PIGN: variants seen among roughly 807,000 people sequenced by gnomAD.
PIGN encodes phosphatidylinositol glycan anchor biosynthesis class N, also known as GPI ethanolamine phosphate transferase 1.
Under a neutral mutation model 125.4 loss-of-function variants are expected in PIGN, and 117 were observed. That is an observed-to-expected ratio of 0.93 (90% confidence interval 0.80 to 1.09). The LOEUF (loss-of-function observed/expected upper bound fraction) is 1.09, where lower values mean the gene tolerates loss of function less well. Ranked by LOEUF, PIGN falls within the 50% of genes least tolerant of loss-of-function variation. The pLI, the probability that PIGN is intolerant of heterozygous loss-of-function variation, is 0.00. For missense variants in PIGN, 1,075 were observed against 1,094.9 expected (o/e 0.98, Z 0.26); for synonymous variants, 392 against 377.8 (o/e 1.04, Z -0.44).
At chr18:62,091,849 G>C (rs1157178413) in intron 23 of PIGN, among the ~76,000 whole-genome samples, 2 of 152,098 alleles carry the variant, frequency 1.3e-5, no homozygotes, top group African/African-American at 2.4e-5. Flanking sequence ...TGAAAACCAA[G>C]TCTGTCTGTC....
intron 27 of PIGN, among the ~76,000 whole-genome samples, chr18:62,083,024 T>G (rs989156484): frequency 1.3e-5 from 2 of 152,094 alleles, no homozygotes; most frequent in Admixed American, 6.5e-5. Flanking sequence ...TTTTGTTCCA[T>G]TTAATGTATT....
intron 27 of PIGN, among the ~76,000 whole-genome samples, chr18:62,084,093 A>G (rs1380289698): frequency 1.3e-5 from 2 of 152,210 alleles, no homozygotes; most frequent in Non-Finnish European, 2.9e-5. Flanking sequence ...GTCAGCACCC[A>G]GCTAATATCT....
intron 28 of PIGN, chr18:62,075,075 C>A: frequency 6.8e-6 from 2 of 295,512 alleles, no homozygotes; most frequent in South Asian, 5.4e-5. Context: ...TTATGATTTT[C>A]AAAACTAAAC....
chr18:62,043,220 T>G lies in PIGN; in HGVS notation c.*2636A>C, dbSNP rs1465016868. 1 of 152,150 alleles carries G rather than the reference T, an allele frequency of 6.6e-6. No individual in the cohort carries two copies. The highest frequency in any genetic ancestry group is 1.9e-4 in the East Asian group (1 of 5,190). The allele number at this position is 152,150 out of a possible 1,614,324, so 9.4% of individuals were successfully genotyped here. Reference sequence around the variant, plus strand: ...CCCCCTGACATGATGGCATCTAGTGTGAATATGGGAGCTCACCAGGTTCTC... The same window carrying G: ...CCCCCTGACATGATGGCATCTAGTGGGAATATGGGAGCTCACCAGGTTCTC... On this transcript the variant is annotated 3_prime_UTR_variant, in exon 31 of 31. Transcript: ENST00000640252.
intron 14 of PIGN, chr18:62,137,267 G>T: frequency 2.4e-6 from 1 of 412,476 alleles, no homozygotes. Flanking sequence ...GGTTTGCTAG[G>T]GGCTCTCGGG....
At chr18:62,153,537 C>T (rs1049186020) in intron 7 of PIGN, 3 of 152,084 alleles carry the variant, frequency 2.0e-5, no homozygotes, top group Admixed American at 2.0e-4. Context: ...GGATTTCATG[C>T]AGATATTAAT....
At chr18:62,091,950 CTTTTT>C (rs1314483558) in intron 23 of PIGN, among the ~76,000 whole-genome samples, 2 of 152,152 alleles carry the variant, frequency 1.3e-5, no homozygotes, top group Non-Finnish European at 2.9e-5. Flanking sequence ...GCCTTATTTC[CTTTTT>C]GAGTCTTTCA....
At chr18:62,058,712 T>C (rs2031909403) in intron 30 of PIGN, 1 of 152,248 alleles carries the variant, frequency 6.6e-6, no homozygotes, top group African/African-American at 2.4e-5. Flanking sequence ...TTCTTAATGC[T>C]TTCAGTATTT....
chr18:62,085,155 C>T lies in PIGN; in HGVS notation c.2426+54G>A, dbSNP rs967803023. ...GTACAGAACAAAAGGTATAGAAGTC[C>T]CAGGTTGCATTATTTTTTAGTTATA... On this transcript the variant is annotated intron_variant, in intron 26 of 30. Transcript: ENST00000640252. The T allele has an allele frequency of 8.2e-6, 8 of 970,920 alleles. No homozygotes were observed. In the Admixed American group the frequency reaches 1.9e-4, roughly 23 times the overall value. The allele number at this position is 970,920 out of a possible 1,614,324, so 60.1% of individuals were successfully genotyped here. A position where few individuals can be genotyped will look rare whatever the true frequency, so the allele number is the denominator to read the frequency against.
intron 28 of PIGN, among the ~76,000 whole-genome samples, chr18:62,076,836 A>C (rs560394957): frequency 1.2e-4 from 19 of 152,198 alleles, no homozygotes; most frequent in Non-Finnish European, 1.9e-4. Flanking sequence ...TGTTAATCTG[A>C]TTAAGAGTTT....
At chr18:62,048,975 AGTTTACT>A (rs1415140195) in intron 30 of PIGN, among the ~76,000 whole-genome samples, 1 of 151,572 alleles carries the variant, frequency 6.6e-6, no homozygotes, top group African/African-American at 2.4e-5. Context: ...TCCTTGCGAT[AGTTTACT>A]GAGAATGATG....
chr18:62,168,659 T>C (rs563960504), intron 1 of PIGN, among the ~76,000 whole-genome samples: 1 of 152,270 alleles, frequency 6.6e-6, no homozygotes, highest in African/African-American at 2.4e-5. Context: ...TAATCTACCA[T>C]CCATATTCCA....
rs568358657 is a variant in PIGN, at chr18:62,051,615, G to A, written c.2673-5636C>T. On this transcript the variant is annotated intron_variant, in intron 30 of 30. Transcript: ENST00000640252. ...CTTTTCTTCTTTATTAGTCTTGCTAGTGGTCTATCAATTTTGTTGATCCTT... is the reference window on the plus strand; with the variant it reads ...CTTTTCTTCTTTATTAGTCTTGCTAATGGTCTATCAATTTTGTTGATCCTT... Among the ~76,000 whole-genome samples, 289 of 152,184 alleles carry A rather than the reference G, an allele frequency of 1.9e-3. 1 individual carries two copies. The highest frequency in any genetic ancestry group is 6.4e-3 in the African/African-American group (264 of 41,516).
chr18:62,025,868 G>T (rs1437137664), intron 23 of PIGN, among the ~76,000 whole-genome samples: 1 of 152,058 alleles, frequency 6.6e-6, no homozygotes, highest in East Asian at 1.9e-4. Flanking sequence ...TCCTGCCACT[G>T]CCCCTGTCTT....
intron 1 of PIGN, among the ~76,000 whole-genome samples, chr18:62,176,297 G>C (rs1315095172): frequency 6.6e-6 from 1 of 151,854 alleles, no homozygotes; most frequent in East Asian, 1.9e-4. Flanking sequence ...CAGGTAGCAG[G>C]AATGAGGGAG....
At chr18:62,172,449 A>T (rs924856259) in intron 1 of PIGN, among the ~76,000 whole-genome samples, 3 of 152,112 alleles carry the variant, frequency 2.0e-5, no homozygotes, top group African/African-American at 7.2e-5. Context: ...TTTGATTTAA[A>T]CACCTCCTCT....
At chr18:62,105,489 A>G in intron 20 of PIGN, 54 bp downstream of exon 20, 3 of 1,021,586 alleles carry the variant, frequency 2.9e-6, no homozygotes, top group Non-Finnish European at 3.0e-6. Context: ...TACAGTGTTA[A>G]TTGAGGAAAA....
At chr18:62,053,883 A>T (rs1384313256) in intron 30 of PIGN, among the ~76,000 whole-genome samples, 4 of 152,214 alleles carry the variant, frequency 2.6e-5, no homozygotes, top group Non-Finnish European at 5.9e-5. Context: ...AAAAGAACTG[A>T]AATCACACAG....
intron 11 of PIGN, among the ~76,000 whole-genome samples, chr18:62,140,785 T>C (rs1256889605): frequency 6.6e-6 from 1 of 152,212 alleles, no homozygotes; most frequent in Admixed American, 6.5e-5. Flanking sequence ...TTCAGTATTA[T>C]ACAAAGGATG....
Sources: allele counts gnomAD v4.1 joint callset (sites outside exome capture counted in the v4.1 genomes callset), GRCh38; gene constraint gnomAD v4.1.1; transcripts MANE v1.5; gene names NCBI Gene and HGNC (gene_info 2026-07-23, HGNC 2026-07-21).